The following LRRC37A2 variants were observed in gnomAD, a reference collection of about 807,000 sequenced individuals.
The protein encoded by LRRC37A2 is leucine rich repeat containing 37 member A2.
LRRC37A2 carries 9 observed loss-of-function variants against 68.8 expected under a neutral mutation model. The observed-to-expected ratio is 0.13, with a 90% confidence interval of 0.08 to 0.23. LRRC37A2 has a LOEUF of 0.23. Ranked by LOEUF, LRRC37A2 falls within the 10% of genes least tolerant of loss-of-function variation. The pLI is 1.00. For missense variants in LRRC37A2, 168 were observed against 950.4 expected, an observed-to-expected ratio of 0.18 and a Z score of 10.82; for synonymous variants, 63 against 367.6, an observed-to-expected ratio of 0.17 and a Z score of 9.48.
the LRRC37A2 span, among the ~76,000 whole-genome samples, chr17:46,822,919 C>T: frequency 1.1e-4 from 17 of 151,596 alleles, no homozygotes; most frequent in East Asian, 3.3e-3. Context: ...GCTGTGGGCA[C>T]CTGAGAGGTT....
At chr17:46,833,730 G>C in the LRRC37A2 span, among the ~76,000 whole-genome samples, 2 of 152,180 alleles carry the variant, frequency 1.3e-5, no homozygotes, top group African/African-American at 4.8e-5. Flanking sequence ...GTGAGTGAGC[G>C]TCCTGGAAAA....
chr17:46,388,456 G>A, the LRRC37A2 span, among the ~76,000 whole-genome samples: 1 of 52,084 alleles, frequency 1.9e-5, no homozygotes, highest in Non-Finnish European at 5.0e-5. Flanking sequence ...CAGCTACTCA[G>A]GAGGCTGAGG....
At chr17:46,827,895 C>T in the LRRC37A2 span, among the ~76,000 whole-genome samples, 265 of 151,758 alleles carry the variant, frequency 1.7e-3, 1 homozygote, top group Middle Eastern at 0.014. Flanking sequence ...CTGCAAGCTC[C>T]GCGCCCCAGG....
chr17:46,962,036 A>G, the LRRC37A2 span, among the ~76,000 whole-genome samples: 1 of 152,208 alleles, frequency 6.6e-6, no homozygotes, highest in African/African-American at 2.4e-5. Context: ...TGGAATTCCA[A>G]AAATAAAAAT....
At chr17:46,878,713 G>A in the LRRC37A2 span, among the ~76,000 whole-genome samples, 1 of 152,144 alleles carries the variant, frequency 6.6e-6, no homozygotes, top group Non-Finnish European at 1.5e-5. Context: ...GGCAGAGCAG[G>A]GGGCCTGGGA....
the LRRC37A2 span, among the ~76,000 whole-genome samples, chr17:46,757,769 G>A: frequency 6.6e-6 from 1 of 152,076 alleles, no homozygotes; most frequent in African/African-American, 2.4e-5. Context: ...TGAGGTGGGT[G>A]GATCACTTGA....
chr17:46,818,040 A>AG, the LRRC37A2 span, among the ~76,000 whole-genome samples: 4 of 151,938 alleles, frequency 2.6e-5, no homozygotes, highest in Admixed American at 2.6e-4. Flanking sequence ...AGGAAGGCAA[A>AG]GGGGGGTTAT....
At chr17:46,499,526 A>G in the LRRC37A2 span, among the ~76,000 whole-genome samples, 1 of 138,520 alleles carries the variant, frequency 7.2e-6, no homozygotes, top group Non-Finnish European at 1.5e-5. Flanking sequence ...TATGGGTGTC[A>G]TTGGTTGAAC....
At chr17:46,878,591 C>T in the LRRC37A2 span, among the ~76,000 whole-genome samples, 1 of 152,196 alleles carries the variant, frequency 6.6e-6, no homozygotes, top group Non-Finnish European at 1.5e-5. Context: ...TCTTCCACTT[C>T]CCCACAGCAT....
chr17:46,493,507 T>C, the LRRC37A2 span, among the ~76,000 whole-genome samples: 2 of 120,322 alleles, frequency 1.7e-5, no homozygotes, highest in South Asian at 5.5e-4. Context: ...GGTTGCTTTC[T>C]TTATTGTTAT....
At chr17:46,792,217 G>C in the LRRC37A2 span, among the ~76,000 whole-genome samples, 2 of 152,218 alleles carry the variant, frequency 1.3e-5, no homozygotes, top group African/African-American at 4.8e-5. Context: ...CTAAGAGAAG[G>C]CTCAAATCAC....
At chr17:46,836,095 C>CGCGTGTGTGTGTGT in the LRRC37A2 span, among the ~76,000 whole-genome samples, 5 of 126,504 alleles carry the variant, frequency 4.0e-5, no homozygotes, top group East Asian at 1.3e-3. Context: ...GAGACGCTGA[C>CGCGTGTGTGTGTGT]GTGTGTGTGT....
At chr17:46,957,442 A>G in the LRRC37A2 span, among the ~76,000 whole-genome samples, 1 of 152,106 alleles carries the variant, frequency 6.6e-6, no homozygotes, top group Non-Finnish European at 1.5e-5. Flanking sequence ...GTGAAACCCC[A>G]TCTCTACTAA....
the LRRC37A2 span, among the ~76,000 whole-genome samples, chr17:46,808,082 A>C: frequency 6.6e-6 from 1 of 152,220 alleles, no homozygotes; most frequent in Non-Finnish European, 1.5e-5. Flanking sequence ...ACTAAGTAGA[A>C]GGAAAGAGCT....
the LRRC37A2 span, among the ~76,000 whole-genome samples, chr17:46,987,686 T>A: frequency 6.6e-6 from 1 of 152,178 alleles, no homozygotes; most frequent in Non-Finnish European, 1.5e-5. Flanking sequence ...TGCATGTTTA[T>A]AGCAGCACTA....
At chr17:46,804,789 G>A in the LRRC37A2 span, among the ~76,000 whole-genome samples, 137 of 152,222 alleles carry the variant, frequency 9.0e-4, no homozygotes, top group Non-Finnish European at 1.5e-3. Context: ...TGCTCTGTAA[G>A]AATGCACCAA....
the LRRC37A2 span, among the ~76,000 whole-genome samples, chr17:46,884,075 G>A: frequency 1.3e-5 from 2 of 152,054 alleles, no homozygotes; most frequent in African/African-American, 2.4e-5. Flanking sequence ...CTGACCCAGC[G>A]TCCGAATTCC....
the LRRC37A2 span, among the ~76,000 whole-genome samples, chr17:47,014,029 G>A: frequency 6.6e-6 from 1 of 152,018 alleles, no homozygotes; most frequent in East Asian, 1.9e-4. Context: ...GGAGGCGGAG[G>A]TTGCAGTGAG....
chr17:46,945,233 C>A, the LRRC37A2 span, among the ~76,000 whole-genome samples: 2 of 152,312 alleles, frequency 1.3e-5, no homozygotes, highest in East Asian at 3.9e-4. Flanking sequence ...GTGCTGTCTT[C>A]TGCACGACAT....
Sources: gnomAD v4.1 joint callset for allele counts (sites outside exome capture counted in the v4.1 genomes callset) on GRCh38, gnomAD v4.1.1 for gene constraint, MANE v1.5 for transcripts, NCBI Gene and HGNC (gene_info 2026-07-23, HGNC 2026-07-21) for gene names.